The following PCDHGB5 variants were observed in gnomAD, a reference collection of about 807,000 sequenced individuals.
The protein encoded by PCDHGB5 is protocadherin gamma subfamily B, 5.
PCDHGB5 carries 48 observed loss-of-function variants against 62.9 expected under a neutral mutation model. The observed-to-expected ratio is 0.76, with a 90% CI of 0.61 to 0.97. The LOEUF is 0.97. PCDHGB5 is among the 50% of genes least tolerant of loss of function. The pLI, the probability that PCDHGB5 is intolerant of heterozygous loss-of-function variation, is 0.00. For synonymous variants in PCDHGB5, 474 were observed against 511.2 expected (o/e 0.93, Z 0.98); for missense variants, 1,118 against 1,198.6 (o/e 0.93, Z 0.99).
intron 1 of PCDHGB5, among the ~76,000 whole-genome samples, chr5:141,464,426 GAT>G (rs1287556960): frequency 6.6e-6 from 1 of 151,096 alleles, no homozygotes; most frequent in African/African-American, 2.4e-5. Context: ...TATATATATA[GAT>G]ATATATGTTT....
chr5:141,422,790 C>G, intron 1 of PCDHGB5: 1 of 1,614,060 alleles, frequency 6.2e-7, no homozygotes, highest in South Asian at 1.1e-5. Context: ...TACAATCCTT[C>G]GACTATGAGC....
At chr5:141,468,853 G>C (rs893773356) in intron 1 of PCDHGB5, among the ~76,000 whole-genome samples, 5 of 150,898 alleles carry the variant, frequency 3.3e-5, no homozygotes, top group Non-Finnish European at 7.4e-5. Flanking sequence ...GCAACAGAGC[G>C]AGACTCCATC....
intron 1 of PCDHGB5, chr5:141,415,520 C>T: frequency 6.2e-7 from 1 of 1,614,190 alleles, no homozygotes; most frequent in Non-Finnish European, 8.5e-7. Flanking sequence ...TATGCGGACA[C>T]GCTCATCAGC....
Position 141,421,718 on chromosome 5 carries a change from G to A in PCDHGB5, c.2397+21194G>A, listed in dbSNP as rs778263773. On this transcript the variant is annotated intron_variant, in intron 1 of 3. Transcript: ENST00000617380. ...CCTAATGCTAGGGATCCAGATGTGGGCGTGAACTCCCTCCAGAGCTACCAG... is the reference window on the plus strand; with the variant it reads ...CCTAATGCTAGGGATCCAGATGTGGACGTGAACTCCCTCCAGAGCTACCAG... 3.1e-6 allele frequency: 5 copies of A among 1,613,848 alleles called. No homozygotes were observed. The highest frequency in any genetic ancestry group is 2.7e-5 in the African/African-American group (2 of 74,938).
intron 1 of PCDHGB5, among the ~76,000 whole-genome samples, chr5:141,459,221 G>A (rs1028895845): frequency 9.2e-5 from 14 of 152,154 alleles, no homozygotes; most frequent in African/African-American, 3.1e-4. Flanking sequence ...TCCAGCTCCA[G>A]GCAACAACTG....
At chr5:141,501,366 T>G (rs1297210978) in intron 2 of PCDHGB5, among the ~76,000 whole-genome samples, 1 of 150,672 alleles carries the variant, frequency 6.6e-6, no homozygotes, top group Non-Finnish European at 1.5e-5. Flanking sequence ...ACCATATTCA[T>G]CATCTCTTAA....
intron 1 of PCDHGB5, among the ~76,000 whole-genome samples, chr5:141,430,143 A>C (rs1451633366): frequency 2.0e-5 from 3 of 152,180 alleles, no homozygotes; most frequent in Non-Finnish European, 4.4e-5. Flanking sequence ...TCCATTCAGG[A>C]TCATTCAAGG....
intron 1 of PCDHGB5, among the ~76,000 whole-genome samples, chr5:141,448,837 C>CT (rs2098610093): frequency 6.6e-6 from 1 of 152,014 alleles, no homozygotes; most frequent in Non-Finnish European, 1.5e-5. Context: ...CCCAGCTACT[C>CT]TGGAGGCTGA....
chr5:141,490,585 G>C lies in PCDHGB5; in HGVS notation c.2398-4222G>C. On this transcript the variant is annotated intron_variant, in intron 1 of 3. Transcript: ENST00000617380. The surrounding 1 kb of genome is among the most constrained non-coding windows in gnomAD (Gnocchi z 5.4). Reference sequence around the variant, plus strand: ...CAGGCTCAACATTTCAGATGTCAATGACAATGCACCCCGCTTCAACCAGCA... The same window carrying C: ...CAGGCTCAACATTTCAGATGTCAATCACAATGCACCCCGCTTCAACCAGCA... The C allele has an allele frequency of 6.2e-7, 1 of 1,614,142 alleles. No homozygotes were observed. Among genetic ancestry groups the C allele is most frequent in the South Asian group, 1.1e-5 (1 of 91,078 alleles).
At position 141,404,477 on chromosome 5, in the gene PCDHGB5, T is replaced by C. The variant is rs750187565; in HGVS notation, c.2397+3953T>C. On this transcript the variant is annotated intron_variant, in intron 1 of 3. Coordinates refer to ENST00000617380, the MANE Select transcript of PCDHGB5 (RefSeq NM_018925.3). ...TCTCTCCACCTATGTCTCTATTAAC[T>C]CAGACACTGGTGTGCTGTATGCTCT... is the stretch of plus-strand genomic sequence containing the variant. The C allele has an allele frequency of 3.1e-6, 5 of 1,613,408 alleles. No individual in the cohort carries two copies. In the South Asian group the frequency reaches 4.4e-5, roughly 14 times the overall value.
At chr5:141,458,080 C>T (rs62379190) in intron 1 of PCDHGB5, among the ~76,000 whole-genome samples, 5,138 of 152,230 alleles carry the variant, frequency 0.034, 100 homozygotes, top group Middle Eastern at 0.088. Flanking sequence ...ACTATATTGC[C>T]GTAAGTTAAG....
At position 141,431,316 on chromosome 5, in the gene PCDHGB5, C is replaced by T; in HGVS notation, c.2397+30792C>T. 6.2e-7 allele frequency: 1 copy of T among 1,614,104 alleles called. No individual in the cohort carries two copies. The highest frequency in any genetic ancestry group is 8.5e-7 in the Non-Finnish European group (1 of 1,180,046). The stretch of plus-strand genomic sequence containing the variant: ...TTCTCCCTCATCGTGCAAAATGGAG[C>T]CGACGGTAGTAAGTACCCCGAATTG... On this transcript the variant is annotated intron_variant, in intron 1 of 3. Transcript: ENST00000617380. The surrounding 1 kb of genome is among the most constrained non-coding windows in gnomAD (Gnocchi z 4.8).
At chr5:141,467,582 TGCCATTTATTAA>T (rs2099146610) in intron 1 of PCDHGB5, among the ~76,000 whole-genome samples, 2 of 152,216 alleles carry the variant, frequency 1.3e-5, no homozygotes, top group Non-Finnish European at 1.5e-5. Context: ...GTTGTCCCAA[TGCCATTTATTAA>T]GCACTTCATC....
At chr5:141,433,045 C>T (rs1183696623) in intron 1 of PCDHGB5, 1 of 1,614,196 alleles carries the variant, frequency 6.2e-7, no homozygotes, top group South Asian at 1.1e-5. Flanking sequence ...TCACCACGGA[C>T]TCGCGGAAGA....
rs2099643895 is a variant in PCDHGB5 at position 141,487,385 on chromosome 5, C to T, written c.2398-7422C>T. 1.9e-6 allele frequency: 3 copies of T among 1,614,160 alleles called. No homozygotes were observed. The highest frequency in any genetic ancestry group is 1.1e-5 in the South Asian group (1 of 91,086). On this transcript the variant is annotated intron_variant, in intron 1 of 3. Transcript: ENST00000617380. This position sits in a 1 kb window ranked among gnomAD's most constrained non-coding sequence, Gnocchi z 5.0. Reference sequence around the variant, plus strand: ...CACCTGTGCCTGTCTCACCAGATCTCGAAGGAGGGAGGGGCTTCCCCCTTC... The same window carrying T: ...CACCTGTGCCTGTCTCACCAGATCTTGAAGGAGGGAGGGGCTTCCCCCTTC...
At chr5:141,443,090 C>T (rs1403922939) in intron 1 of PCDHGB5, among the ~76,000 whole-genome samples, 3 of 151,926 alleles carry the variant, frequency 2.0e-5, no homozygotes, top group Non-Finnish European at 2.9e-5. Context: ...TTCCAGTCTC[C>T]TTCTCAAGCT....
At chr5:141,427,401 G>A (rs2097022075) in intron 1 of PCDHGB5, 1 of 461,400 alleles carries the variant, frequency 2.2e-6, no homozygotes, top group Non-Finnish European at 4.3e-6. Flanking sequence ...ACATGATAAA[G>A]ATTCGAGAGA....
Position 141,487,506 on chromosome 5 carries a change from C to T in PCDHGB5, c.2398-7301C>T. 1 of 1,614,220 alleles carries T rather than the reference C, an allele frequency of 6.2e-7. No homozygotes were observed. The highest frequency in any genetic ancestry group is 8.5e-7 in the Non-Finnish European group (1 of 1,180,046). On this transcript the variant is annotated intron_variant, in intron 1 of 3. Coordinates refer to ENST00000617380, the MANE Select transcript of PCDHGB5 (RefSeq NM_018925.3). The surrounding 1 kb of genome is among the most constrained non-coding windows in gnomAD (Gnocchi z 5.0). ...CATGGCTGTACACCCTTGGCTTCTG[C>T]ACCCACTCGGAGTGATAGCTTCATG...
Position 141,462,764 on chromosome 5 carries a change from G to C in PCDHGB5, c.2398-32043G>C, listed in dbSNP as rs150842317. Among the ~76,000 whole-genome samples, 589 of 152,084 alleles carry C rather than the reference G, an allele frequency of 3.9e-3. 5 individuals are homozygous for C. Among genetic ancestry groups the C allele is most frequent in the Admixed American group, 0.011 (169 of 15,274 alleles). ...AATTCCTATGATGATTTTCTTCCTG[G>C]CTTGGGGTCATAATTTGTTGCTTAT... On this transcript the variant is annotated intron_variant, in intron 1 of 3. Transcript: ENST00000617380.
Sources: allele counts gnomAD v4.1 joint callset (sites outside exome capture counted in the v4.1 genomes callset), GRCh38; gene constraint gnomAD v4.1.1; non-coding constraint Gnocchi (gnomAD v3.1); transcripts MANE v1.5; gene names NCBI Gene and HGNC (gene_info 2026-07-23, HGNC 2026-07-21).